ZFPM2: variants seen among roughly 807,000 people sequenced by gnomAD.
The protein encoded by ZFPM2 is zinc finger protein ZFPM2.
In ZFPM2, 20 loss-of-function variants were observed where a neutral mutation model predicts 98.6. That is an observed-to-expected ratio of 0.20 (90% CI 0.14 to 0.29). The LOEUF (loss-of-function observed/expected upper bound fraction) is 0.29. Ranked by LOEUF, ZFPM2 falls within the 10% of genes least tolerant of loss-of-function variation. ZFPM2 has a pLI of 1.00. For missense variants in ZFPM2, 1,310 were observed against 1,388.6 expected (o/e 0.94, Z 0.90); for synonymous variants, 518 against 502.7 (o/e 1.03, Z -0.41).
At chr8:105,422,030 G>T (rs937072437) in intron 2 of ZFPM2, among the ~76,000 whole-genome samples, 5 of 142,098 alleles carry the variant, frequency 3.5e-5, no homozygotes, top group African/African-American at 1.1e-4. Context: ...CTGTGCGACG[G>T]GAGCGAGACT....
At chr8:105,383,292 G>A (rs1371309501) in intron 1 of ZFPM2, among the ~76,000 whole-genome samples, 1 of 152,034 alleles carries the variant, frequency 6.6e-6, no homozygotes, top group Non-Finnish European at 1.5e-5. Context: ...CTATCCATGA[G>A]GCATTTACAG....
chr8:105,704,922 G>A (rs1255359208), intron 5 of ZFPM2, among the ~76,000 whole-genome samples: 1 of 152,188 alleles, frequency 6.6e-6, no homozygotes, highest in Non-Finnish European at 1.5e-5. Flanking sequence ...TAGTCAGTTA[G>A]TCTCGTCTTA....
intron 3 of ZFPM2, among the ~76,000 whole-genome samples, chr8:105,485,017 G>T (rs1302373510): frequency 6.6e-6 from 1 of 152,194 alleles, no homozygotes; most frequent in Non-Finnish European, 1.5e-5. Flanking sequence ...CTTTCAGGAA[G>T]AACATGTGTA....
intron 5 of ZFPM2, among the ~76,000 whole-genome samples, chr8:105,671,886 C>T (rs1012157065): frequency 2.6e-5 from 4 of 152,088 alleles, no homozygotes; most frequent in African/African-American, 9.7e-5. Context: ...AAAGAGAGTA[C>T]AGAATTGAAA....
chr8:105,594,633 G>T (rs1206868297), intron 4 of ZFPM2, among the ~76,000 whole-genome samples: 8 of 152,078 alleles, frequency 5.3e-5, no homozygotes, highest in Non-Finnish European at 1.0e-4. Flanking sequence ...TGAGGTTTCA[G>T]ACACTCCTCA....
At chr8:105,644,297 T>A (rs114785230) in intron 5 of ZFPM2, among the ~76,000 whole-genome samples, 14,462 of 145,434 alleles carry the variant, frequency 0.099, 783 homozygotes, top group African/African-American at 0.17. Flanking sequence ...TTTTTTTTTT[T>A]AAAAAAAAAA....
chr8:105,465,566 T>C (rs1812782544), intron 3 of ZFPM2, among the ~76,000 whole-genome samples: 1 of 151,968 alleles, frequency 6.6e-6, no homozygotes, highest in African/African-American at 2.4e-5. Flanking sequence ...TTTATATTAT[T>C]CATTAAAAAA....
Position 105,323,544 on chromosome 8 carries a change from GT to G in ZFPM2, c.40+4564del, listed in dbSNP as rs1812066347. On this transcript the variant is annotated intron_variant, in intron 1 of 7. Coordinates refer to ENST00000407775, the MANE Select transcript of ZFPM2 (RefSeq NM_012082.4). Reference sequence around the variant, plus strand: ...TTTTAGCAATAAAACAGATAGAATAGTACCTATTGCTTGTAAGATAGCATAA... The same window carrying G: ...TTTTAGCAATAAAACAGATAGAATAGACCTATTGCTTGTAAGATAGCATAA... Among the ~76,000 whole-genome samples the G allele has an allele frequency of 4.6e-5, 7 of 151,952 alleles. No individual in the cohort carries two copies. In the South Asian group the frequency reaches 1.2e-3, roughly 27 times the overall value.
At chr8:105,613,976 A>G (rs905702917) in intron 4 of ZFPM2, among the ~76,000 whole-genome samples, 1 of 152,214 alleles carries the variant, frequency 6.6e-6, no homozygotes, top group Admixed American at 6.5e-5. Flanking sequence ...ATGAATTTAC[A>G]TAACAACTGG....
intron 4 of ZFPM2, among the ~76,000 whole-genome samples, chr8:105,603,525 A>C (rs1202311217): frequency 6.6e-6 from 1 of 152,132 alleles, no homozygotes; most frequent in Non-Finnish European, 1.5e-5. Context: ...TGTTTAATAG[A>C]TAAGAATGGT....
chr8:105,604,276 G>A (rs147017674), intron 4 of ZFPM2, among the ~76,000 whole-genome samples: 195 of 151,924 alleles, frequency 1.3e-3, no homozygotes, highest in African/African-American at 4.6e-3. Context: ...AATGAATTTC[G>A]CTTTCAAAAT....
At chr8:105,668,554 C>G (rs753948576) in intron 5 of ZFPM2, among the ~76,000 whole-genome samples, 5 of 151,720 alleles carry the variant, frequency 3.3e-5, no homozygotes, top group Non-Finnish European at 5.9e-5. Flanking sequence ...TCAACTGTAC[C>G]TCCTTTTTTA....
chr8:105,626,792 G>C (rs568022914), intron 4 of ZFPM2, among the ~76,000 whole-genome samples: 1 of 152,250 alleles, frequency 6.6e-6, no homozygotes, highest in Non-Finnish European at 1.5e-5. Flanking sequence ...CTGTTACCCA[G>C]TTAAGGAAGC....
intron 1 of ZFPM2, among the ~76,000 whole-genome samples, chr8:105,416,132 T>G (rs1586356283): frequency 6.6e-6 from 1 of 151,868 alleles, no homozygotes; most frequent in South Asian, 2.1e-4. Flanking sequence ...AATAAAAGAT[T>G]ATGTATATAT....
chr8:105,679,810 A>T (rs563307608), intron 5 of ZFPM2, among the ~76,000 whole-genome samples: 3 of 151,984 alleles, frequency 2.0e-5, no homozygotes, highest in African/African-American at 7.2e-5. Flanking sequence ...AAAAAAAAAA[A>T]AAAGAAAGCA....
At chr8:105,655,934 T>A (rs2130877678) in intron 5 of ZFPM2, among the ~76,000 whole-genome samples, 1 of 149,148 alleles carries the variant, frequency 6.7e-6, no homozygotes, top group South Asian at 2.1e-4. Flanking sequence ...ATTGGCTTTT[T>A]TCATTCATTC....
At chr8:105,684,333 TA>T (rs559489194) in intron 5 of ZFPM2, among the ~76,000 whole-genome samples, 147 of 152,298 alleles carry the variant, frequency 9.7e-4, no homozygotes, top group African/African-American at 3.4e-3. Context: ...TAGCCATGTA[TA>T]TTTTTTTAAG....
intron 3 of ZFPM2, among the ~76,000 whole-genome samples, chr8:105,475,263 G>A (rs1487624681): frequency 2.6e-5 from 4 of 152,068 alleles, no homozygotes. Flanking sequence ...CCTTTCCAAG[G>A]AAAATCCCTA....
intron 3 of ZFPM2, among the ~76,000 whole-genome samples, chr8:105,543,702 C>A (rs1460388452): frequency 6.6e-6 from 1 of 152,022 alleles, no homozygotes; most frequent in Non-Finnish European, 1.5e-5. Flanking sequence ...TATATTTTTG[C>A]AAATACTATC....
Sources: allele counts gnomAD v4.1 joint callset (sites outside exome capture counted in the v4.1 genomes callset), GRCh38; gene constraint gnomAD v4.1.1; transcripts MANE v1.5; gene names NCBI Gene and HGNC (gene_info 2026-07-23, HGNC 2026-07-21).